WDR4: variants seen among roughly 807,000 people sequenced by gnomAD.
The protein encoded by WDR4 is tRNA (guanine-N(7)-)-methyltransferase non-catalytic subunit WDR4.
In WDR4, 47 loss-of-function variants were observed where a neutral mutation model predicts 48.6. The ratio of observed to expected loss-of-function variants is 0.97; its 90% CI spans 0.77 to 1.23. The LOEUF (loss-of-function observed/expected upper bound fraction) is 1.23, where lower values mean the gene tolerates loss of function less well. Ranked by LOEUF, WDR4 falls within the 50% of genes most tolerant of loss-of-function variation. The probability of loss-of-function intolerance (pLI) is 0.00; values close to 1 mark genes in which losing one functional copy is unlikely to be tolerated. For synonymous variants in WDR4, 268 were observed against 230.0 expected (o/e 1.17, Z -1.49); for missense variants, 606 against 551.6 (o/e 1.10, Z -0.99).
chr21:42,866,007 C>T (rs1391240210), intron 3 of WDR4, among the ~76,000 whole-genome samples: 1 of 152,172 alleles, frequency 6.6e-6, no homozygotes, highest in Non-Finnish European at 1.5e-5. Flanking sequence ...GCTCTCTCTC[C>T]ACCCCCTGGG....
rs368542294 is a variant in WDR4 at position 42,879,177 on chromosome 21, C to A, written c.89+230G>T. The A allele has an allele frequency of 9.9e-5, 132 of 1,333,460 alleles. 1 individual carries two copies. The South Asian group carries it at 1.7e-3, about 18-fold the overall frequency. The allele number at this position is 1,333,460 out of a possible 1,614,324, so 82.6% of individuals were successfully genotyped here. The stretch of plus-strand genomic sequence containing the variant: ...CAGACCAGCCATCTAGTGCAAGGAG[C>A]GCGCCGGAGCCGGGGAGCGGACGCC... On this transcript the variant is annotated intron_variant, in intron 1 of 10. Transcript: ENST00000398208.
Position 42,862,529 on chromosome 21 carries a change from C to T in WDR4, c.454-135G>A. 1 of 693,832 alleles carries T rather than the reference C, an allele frequency of 1.4e-6. No homozygotes were observed. The highest frequency in any genetic ancestry group is 1.8e-5 in the South Asian group (1 of 54,598). 43.0% of individuals were successfully genotyped at this position (693,832 alleles called of 1,614,324 possible). ...GGCCTTCGAGGACAGACCAGCGTGGCTCCTCCCCTCCTCCCGTCCCTACGT... is the reference window on the plus strand; with the variant it reads ...GGCCTTCGAGGACAGACCAGCGTGGTTCCTCCCCTCCTCCCGTCCCTACGT... On this transcript the variant is annotated intron_variant, in intron 4 of 10. Coordinates refer to ENST00000398208, the MANE Select transcript of WDR4 (RefSeq NM_018669.6). The surrounding 1 kb of genome is among the most constrained non-coding windows in gnomAD (Gnocchi z 4.3).
intron 1 of WDR4, chr21:42,879,114 G>A (rs894402574): frequency 6.6e-6 from 8 of 1,205,442 alleles, no homozygotes; most frequent in Middle Eastern, 3.3e-4. Context: ...CGCGGAGACC[G>A]GAAGCGACCC....
At chr21:42,867,657 G>A (rs922471911) in intron 3 of WDR4, among the ~76,000 whole-genome samples, 12 of 151,878 alleles carry the variant, frequency 7.9e-5, no homozygotes, top group Admixed American at 5.2e-4. Context: ...ACAAAATTTC[G>A]GATTTTGGAG....
At position 42,877,353 on chromosome 21, in the gene WDR4, AG is replaced by A. The variant is rs529496473; in HGVS notation, c.90-587del. ...GAGACGGGGTTTCGCCATGTTGGCC[AG>A]GCTGGTCTCAAGCTCCTGACCTCAG... On this transcript the variant is annotated intron_variant, in intron 1 of 10. Coordinates refer to ENST00000398208, the MANE Select transcript of WDR4 (RefSeq NM_018669.6). 3.3e-3 allele frequency among the ~76,000 whole-genome samples: 499 copies of A among 151,638 alleles called. 1 individual carries two copies. Among genetic ancestry groups the A allele is most frequent in the African/African-American group, 9.8e-3 (404 of 41,294 alleles).
chr21:42,879,201 C>T, intron 1 of WDR4: 2 of 1,335,530 alleles, frequency 1.5e-6, no homozygotes, highest in South Asian at 1.9e-5. Flanking sequence ...GGAGCGGACG[C>T]CGAGAGCGGA....
chr21:42,885,795 A>C, the WDR4 span, among the ~76,000 whole-genome samples: 3 of 151,814 alleles, frequency 2.0e-5, no homozygotes, highest in African/African-American at 7.3e-5. Flanking sequence ...CCTCGGCTCA[A>C]GTGGATTGTC....
rs200772726 is a variant in WDR4 at position 42,876,758 on chromosome 21, G to C, written c.99C>G (p.Asp33Glu). The C allele has an allele frequency of 6.2e-7, 1 of 1,612,456 alleles. No individual in the cohort carries two copies. The highest frequency in any genetic ancestry group is 2.2e-5 in the East Asian group (1 of 44,832). ...LATSIASSDD[D>E]SLFIYDCSAA... is the part of the protein sequence containing the mutation. ...CACTGCAGTCATAGATGAAGAGGCT[G>C]TCATCATCACTAAAGAGAAATAACA... The change falls in exon 2 of 11, where the codon GAC becomes GAG. Residue 33 changes from aspartate to glutamate, a missense_variant. By Grantham distance (45) the Asp-to-Glu change is conservative. Transcript: ENST00000398208.
Position 42,853,553 on chromosome 21 carries a change from A to G in WDR4, c.975+16T>C, listed in dbSNP as rs1407262238. 4 of 1,601,494 alleles carry G rather than the reference A, an allele frequency of 2.5e-6. No homozygotes were observed. The highest frequency in any genetic ancestry group is 3.4e-6 in the Non-Finnish European group (4 of 1,173,598). On this transcript the variant is annotated intron_variant, in intron 9 of 10. Transcript: ENST00000398208. ...AAAGGCAGGGCATAGGACATCTGGA[A>G]GGTGCCGAGTCTCACCTGCCACTGG...
rs372640429 is a variant in WDR4, at chr21:42,864,584, C to T, written c.297-988G>A. ...AGCGTGTGAGAGGCCTGCGCTCCCC[C>T]CAGTCCACATCCACATCAGCACATC... is the stretch of plus-strand genomic sequence containing the variant. On this transcript the variant is annotated intron_variant, in intron 3 of 10. Coordinates refer to ENST00000398208, the MANE Select transcript of WDR4 (RefSeq NM_018669.6). Among the ~76,000 whole-genome samples, 20 of 152,270 alleles carry T rather than the reference C, an allele frequency of 1.3e-4. No homozygotes were observed. The East Asian group carries it at 2.1e-3, about 16-fold the overall frequency.
rs71194083 is a variant in WDR4, at chr21:42,875,916, C to CTTTTTTTTTT, written c.155+776_155+785dup. On this transcript the variant is annotated intron_variant, in intron 2 of 10. Transcript: ENST00000398208. ...TATTTAGAAAAGTCCTAACACTGTG[C>CTTTTTTTTTT]TTTTTTTTTTTTTTTTTTTGAGACG... Among the ~76,000 whole-genome samples, 58 of 104,892 alleles carry CTTTTTTTTTT rather than the reference C, an allele frequency of 5.5e-4. 3 individuals are homozygous for CTTTTTTTTTT. The highest frequency in any genetic ancestry group is 6.9e-4 in the African/African-American group (17 of 24,690). The allele number at this position is 104,892 out of a possible 152,430, so 68.8% of individuals were successfully genotyped here.
At chr21:42,847,941 C>T (rs2057725287), downstream of WDR4, among the ~76,000 whole-genome samples, 1 of 152,210 alleles carries the variant, frequency 6.6e-6, no homozygotes. Context: ...GATGCCCTGG[C>T]AGCGTGAAGG....
chr21:42,848,795 G>A (rs1174677909), downstream of WDR4, among the ~76,000 whole-genome samples: 2 of 46,716 alleles, frequency 4.3e-5, no homozygotes, highest in East Asian at 5.1e-4. Context: ...ACGATCACGC[G>A]GCGCGCACCT....
intron 3 of WDR4, among the ~76,000 whole-genome samples, chr21:42,870,912 C>T (rs1043561950): frequency 4.6e-5 from 7 of 152,098 alleles, no homozygotes; most frequent in African/African-American, 1.7e-4. Context: ...AGCCAGTGTC[C>T]GAAAGGCAAA....
At chr21:42,847,153 G>A (rs1474385247), downstream of WDR4, among the ~76,000 whole-genome samples, 1 of 152,186 alleles carries the variant, frequency 6.6e-6, no homozygotes. Flanking sequence ...TAACGGAAGA[G>A]AGCAGATTAA....
At chr21:42,850,882 G>A (rs2057807454) in intron 10 of WDR4, among the ~76,000 whole-genome samples, 1 of 152,216 alleles carries the variant, frequency 6.6e-6, no homozygotes, top group Non-Finnish European at 1.5e-5. Flanking sequence ...ACAGGCACAC[G>A]GAGACAGCCT....
In WDR4 at chr21:42,850,219, A is replaced by C. The variant is rs1385814642; in HGVS notation, c.1069T>G (p.Phe357Val). Residue 357 changes from phenylalanine (F) to valine (V), a missense_variant, in exon 11 of 11, where the codon TTC becomes GTC. Transcript: ENST00000398208. The part of the protein sequence containing the change: ...LEGSAGADAS[F>V]SSLYKATFDN... The stretch of plus-strand genomic sequence containing the variant: ...AACGTGGCCTTGTAGAGACTGCTGA[A>C]GCTGGCGTCTGCGCCGGCAGAGCCT... 3 of 1,601,946 alleles carry C rather than the reference A, an allele frequency of 1.9e-6. No homozygotes were observed. Among genetic ancestry groups the C allele is most frequent in the African/African-American group, 1.3e-5 (1 of 74,298 alleles).
chr21:42,890,729 G>C, the WDR4 span, among the ~76,000 whole-genome samples: 1 of 152,220 alleles, frequency 6.6e-6, no homozygotes, highest in Non-Finnish European at 1.5e-5. Flanking sequence ...ACTCTGGGCA[G>C]AGAGTTAACT....
In WDR4 at chr21:42,852,335, CA is replaced by C; in HGVS notation, c.976-12del. 1 of 1,613,708 alleles carries C rather than the reference CA, an allele frequency of 6.2e-7. No homozygotes were observed. The highest frequency in any genetic ancestry group is 1.7e-5 in the Admixed American group (1 of 59,926). ...GCTCTCAGGAACAGACTGCAGGCGA[CA>C]AACAGGAAATCTTCATCAGAAAGAG... On this transcript the variant is annotated splice_polypyrimidine_tract_variant and intron_variant, in intron 9 of 10. Coordinates refer to ENST00000398208, the MANE Select transcript of WDR4 (RefSeq NM_018669.6).
Sources: gnomAD v4.1 joint callset for allele counts (sites outside exome capture counted in the v4.1 genomes callset) on GRCh38, gnomAD v4.1.1 for gene constraint, Gnocchi (gnomAD v3.1) non-coding constraint, MANE v1.5 for transcripts, NCBI Gene and HGNC (gene_info 2026-07-23, HGNC 2026-07-21) for gene names.